NRXN3: variants seen among roughly 807,000 people sequenced by gnomAD.
NRXN3 encodes neurexin III.
A neutral mutation model predicts 137.6 loss-of-function variants in NRXN3; 32 were observed. That is an observed-to-expected ratio of 0.23 (90% CI 0.18 to 0.31). The LOEUF is 0.31. NRXN3 is among the 10% of genes least tolerant of loss of function. The pLI is 1.00. For synonymous variants in NRXN3, 798 were observed against 784.5 expected (o/e 1.02, Z -0.29); for missense variants, 1,574 against 2,062.5 (o/e 0.76, Z 4.59).
At chr14:79,581,829 T>G (rs1295623571) in intron 16 of NRXN3, among the ~76,000 whole-genome samples, 1 of 152,226 alleles carries the variant, frequency 6.6e-6, no homozygotes, top group Admixed American at 6.5e-5. Context: ...AATAGAAATA[T>G]AAGTAACATA....
chr14:78,646,271 C>A (rs188240421), intron 5 of NRXN3, among the ~76,000 whole-genome samples: 2 of 152,270 alleles, frequency 1.3e-5, no homozygotes, highest in African/African-American at 2.4e-5. Context: ...ATAATAATAC[C>A]TCATCAGCTC....
At chr14:79,477,691 A>G in intron 16 of NRXN3, among the ~76,000 whole-genome samples, 1 of 152,114 alleles carries the variant, frequency 6.6e-6, no homozygotes, top group Admixed American at 6.6e-5. Flanking sequence ...GGCTCTGTTA[A>G]AAGAATGTTG....
intron 19 of NRXN3, among the ~76,000 whole-genome samples, chr14:79,797,454 A>G (rs547234677): frequency 5.3e-5 from 8 of 152,196 alleles, no homozygotes; most frequent in Non-Finnish European, 1.2e-4. Context: ...GGGTCACCTT[A>G]GATAGTATCT....
intron 16 of NRXN3, among the ~76,000 whole-genome samples, chr14:79,587,063 C>T (rs2097769667): frequency 1.3e-5 from 2 of 152,190 alleles, no homozygotes; most frequent in Non-Finnish European, 1.5e-5. Flanking sequence ...CATGGTTGAG[C>T]CTTTTCTACA....
At chr14:79,758,649 C>T (rs2099028135) in intron 19 of NRXN3, among the ~76,000 whole-genome samples, 1 of 152,110 alleles carries the variant, frequency 6.6e-6, no homozygotes, top group South Asian at 2.1e-4. Flanking sequence ...GTGAACTGCA[C>T]AAGGATACTA....
At chr14:79,678,110 T>C (rs2098650380) in intron 17 of NRXN3, among the ~76,000 whole-genome samples, 1 of 152,058 alleles carries the variant, frequency 6.6e-6, no homozygotes, top group Non-Finnish European at 1.5e-5. Context: ...ATTCTTTGAT[T>C]TGTGCCACTC....
chr14:78,194,836 A>G (rs1462072733), intron 1 of NRXN3, among the ~76,000 whole-genome samples: 1 of 152,220 alleles, frequency 6.6e-6, no homozygotes, highest in Non-Finnish European at 1.5e-5. Flanking sequence ...GGGCCCAGCC[A>G]GCAATCTACG....
chr14:78,250,272 T>A (rs2068405179), intron 2 of NRXN3, among the ~76,000 whole-genome samples: 1 of 152,112 alleles, frequency 6.6e-6, no homozygotes. Context: ...CATGGAGTTG[T>A]TGAAAGGATT....
At chr14:79,354,124 T>C (rs983890049) in intron 15 of NRXN3, among the ~76,000 whole-genome samples, 1 of 152,140 alleles carries the variant, frequency 6.6e-6, no homozygotes, top group Non-Finnish European at 1.5e-5. Flanking sequence ...AGTCAAATGT[T>C]TAATCTCAGG....
chr14:78,829,321 A>T (rs2098975502), intron 10 of NRXN3, among the ~76,000 whole-genome samples: 1 of 152,148 alleles, frequency 6.6e-6, no homozygotes, highest in Non-Finnish European at 1.5e-5. Flanking sequence ...CCAACTCACC[A>T]TTATTAAACT....
chr14:79,449,054 A>G (rs2096119735), intron 15 of NRXN3, among the ~76,000 whole-genome samples: 1 of 152,176 alleles, frequency 6.6e-6, no homozygotes, highest in Non-Finnish European at 1.5e-5. Flanking sequence ...CGCAGAACAA[A>G]TGATAACTGA....
chr14:79,036,197 A>C (rs1180689297), intron 15 of NRXN3, among the ~76,000 whole-genome samples: 2 of 152,080 alleles, frequency 1.3e-5, no homozygotes, highest in East Asian at 3.9e-4. Flanking sequence ...TATGGTATTC[A>C]GCAAGATACT....
chr14:79,050,152 A>G (rs1017678806), intron 15 of NRXN3, among the ~76,000 whole-genome samples: 1 of 152,160 alleles, frequency 6.6e-6, no homozygotes, highest in African/African-American at 2.4e-5. Context: ...CATCTATGGG[A>G]TTCTGCACTT....
At chr14:78,741,699 C>T (rs2098574771) in intron 8 of NRXN3, among the ~76,000 whole-genome samples, 1 of 152,158 alleles carries the variant, frequency 6.6e-6, no homozygotes, top group African/African-American at 2.4e-5. Context: ...ACTCTCTTAG[C>T]ATATTTCTAA....
intron 15 of NRXN3, among the ~76,000 whole-genome samples, chr14:79,241,006 A>T (rs1369013533): frequency 6.6e-6 from 1 of 152,068 alleles, no homozygotes; most frequent in Non-Finnish European, 1.5e-5. Context: ...CCCCCTTTAT[A>T]TCTTTATCTT....
chr14:79,056,196 T>G (rs2099661955), intron 15 of NRXN3, among the ~76,000 whole-genome samples: 1 of 152,154 alleles, frequency 6.6e-6, no homozygotes, highest in African/African-American at 2.4e-5. Context: ...TGCATAGGAA[T>G]AGCTAACAGT....
chr14:78,922,628 C>T (rs1452788586), intron 10 of NRXN3, among the ~76,000 whole-genome samples: 6 of 152,084 alleles, frequency 3.9e-5, no homozygotes, highest in African/African-American at 4.8e-5. Context: ...TGTTCTCACT[C>T]ATAAATGGGA....
At chr14:79,194,126 T>C (rs1427291307) in intron 15 of NRXN3, among the ~76,000 whole-genome samples, 1 of 152,236 alleles carries the variant, frequency 6.6e-6, no homozygotes, top group Non-Finnish European at 1.5e-5. Context: ...TAGAAACTTT[T>C]AAGGAGAGGT....
chr14:79,689,559 A>C (rs888362067), intron 17 of NRXN3, among the ~76,000 whole-genome samples: 2 of 152,114 alleles, frequency 1.3e-5, no homozygotes, highest in African/African-American at 4.8e-5. Context: ...CCTTAGTGCC[A>C]GATACTATCA....
Sources: allele counts gnomAD v4.1 joint callset (sites outside exome capture counted in the v4.1 genomes callset), GRCh38; gene constraint gnomAD v4.1.1; transcripts MANE v1.5; gene names NCBI Gene and HGNC (gene_info 2026-07-23, HGNC 2026-07-21).